ZC3H3: variants seen among roughly 807,000 people sequenced by gnomAD.
ZC3H3 encodes zinc finger CCCH domain-containing protein 3.
A neutral mutation model predicts 77.3 loss-of-function variants in ZC3H3; 36 were observed. That is an observed-to-expected ratio of 0.47 (90% CI 0.36 to 0.61). The LOEUF is 0.61. Ranked by LOEUF, ZC3H3 falls within the 20% of genes least tolerant of loss-of-function variation. The probability of loss-of-function intolerance (pLI) is 0.00; values close to 1 mark genes in which losing one functional copy is unlikely to be tolerated. For missense variants in ZC3H3, 1,331 were observed against 1,312.2 expected (o/e 1.01, Z -0.22); for synonymous variants, 626 against 555.2 (o/e 1.13, Z -1.79).
chr8:143,465,777 C>T lies in ZC3H3; in HGVS notation c.2247G>A (p.Val749=), dbSNP rs1820392487. The T allele has an allele frequency of 6.2e-7, 1 of 1,613,892 alleles. No individual in the cohort carries two copies. Among genetic ancestry groups the T allele is most frequent in the Non-Finnish European group, 8.5e-7 (1 of 1,180,012 alleles). The part of the protein sequence containing the change: ...NSNCPYSHVY[V]SRKAEVCSDF... ...CGCTGCAGACCTCGGCCTTGCGGGACACGTACACGTGGCTATAGGGACAGT... is the reference window on the plus strand; with the variant it reads ...CGCTGCAGACCTCGGCCTTGCGGGATACGTACACGTGGCTATAGGGACAGT... Residue 749 remains valine (V), a synonymous_variant, in exon 9 of 12, where the codon GTG becomes GTA. Coordinates refer to ENST00000262577, the MANE Select transcript of ZC3H3 (RefSeq NM_015117.3).
chr8:143,500,046 C>A (rs536480434), intron 4 of ZC3H3, among the ~76,000 whole-genome samples: 88 of 152,276 alleles, frequency 5.8e-4, no homozygotes, highest in Middle Eastern at 6.8e-3. Flanking sequence ...ATCCTCTCTG[C>A]AAACACTCCA....
chr8:143,531,825 G>A lies in ZC3H3; in HGVS notation c.1561+4432C>T, dbSNP rs372558434. ...CTTTTTATTAGCCCCCTTATCTGCTGAGCAATATAGTGGCAGGGCTGACCT... is the reference window on the plus strand; with the variant it reads ...CTTTTTATTAGCCCCCTTATCTGCTAAGCAATATAGTGGCAGGGCTGACCT... On this transcript the variant is annotated intron_variant, in intron 3 of 11. Coordinates refer to ENST00000262577, the MANE Select transcript of ZC3H3 (RefSeq NM_015117.3). Among the ~76,000 whole-genome samples, 9 of 152,328 alleles carry A rather than the reference G, an allele frequency of 5.9e-5. No individual in the cohort carries two copies. In the East Asian group the frequency reaches 1.3e-3, roughly 23 times the overall value.
In ZC3H3 at chr8:143,462,453, G is replaced by T. The variant is rs1214457284; in HGVS notation, c.2307+3264C>A. 6.6e-6 allele frequency among the ~76,000 whole-genome samples: 1 copy of T among 152,186 alleles called. No homozygotes were observed. Among genetic ancestry groups the T allele is most frequent in the African/African-American group, 2.4e-5 (1 of 41,450 alleles). On this transcript the variant is annotated intron_variant, in intron 9 of 11. Transcript: ENST00000262577. This position sits in a 1 kb window ranked among gnomAD's most constrained non-coding sequence, Gnocchi z 4.7. ...CGGCCTAACAAAGGGCAGCACTGGC[G>T]AAAGCAAGGCACCAACAGAGAAGCG...
At chr8:143,479,900 G>A (rs1820861443) in intron 4 of ZC3H3, among the ~76,000 whole-genome samples, 1 of 152,246 alleles carries the variant, frequency 6.6e-6, no homozygotes, top group African/African-American at 2.4e-5. Flanking sequence ...GTATGAAGAA[G>A]CTGTCTGTGC....
At chr8:143,461,858 C>A (rs1293082588) in intron 9 of ZC3H3, among the ~76,000 whole-genome samples, 1 of 151,914 alleles carries the variant, frequency 6.6e-6, no homozygotes. Context: ...GCGATGAAAA[C>A]AACTGAAAGC....
chr8:143,480,880 G>GT (rs1273275175), intron 4 of ZC3H3, among the ~76,000 whole-genome samples: 2 of 152,212 alleles, frequency 1.3e-5, no homozygotes, highest in African/African-American at 4.8e-5. Context: ...GGCAGAGGTG[G>GT]TAAGGGGACT....
At chr8:143,516,784 C>G (rs896939) in intron 3 of ZC3H3, among the ~76,000 whole-genome samples, 4,625 of 152,286 alleles carry the variant, frequency 0.03, 228 homozygotes, top group African/African-American at 0.1. Flanking sequence ...CCTGGCCTCG[C>G]GTCCCTGGGA....
At chr8:143,505,801 G>A (rs1821674401) in intron 4 of ZC3H3, among the ~76,000 whole-genome samples, 1 of 152,216 alleles carries the variant, frequency 6.6e-6, no homozygotes, top group Non-Finnish European at 1.5e-5. Context: ...TCCAGGGGTG[G>A]GCTGAATTCA....
intron 4 of ZC3H3, among the ~76,000 whole-genome samples, chr8:143,478,598 C>T (rs1288302144): frequency 6.6e-6 from 1 of 152,242 alleles, no homozygotes; most frequent in Non-Finnish European, 1.5e-5. Flanking sequence ...CAACCTCCGC[C>T]TCCCGGGTTC....
chr8:143,516,148 A>G (rs758816468), intron 3 of ZC3H3, among the ~76,000 whole-genome samples: 43 of 152,342 alleles, frequency 2.8e-4, no homozygotes, highest in Non-Finnish European at 3.5e-4. Context: ...CCCCGCCCCT[A>G]CGCTGGCGCG....
intron 4 of ZC3H3, chr8:143,484,619 G>A (rs112634923): frequency 9.6e-4 from 158 of 165,082 alleles, no homozygotes; most frequent in Middle Eastern, 5.9e-3. Flanking sequence ...AGTTCAGCTC[G>A]TCCGGCAGAG....
In ZC3H3 at chr8:143,527,391, G is replaced by T. The variant is rs553266735; in HGVS notation, c.1561+8866C>A. Among the ~76,000 whole-genome samples the T allele has an allele frequency of 1.4e-4, 22 of 152,266 alleles. No individual in the cohort carries two copies. In the East Asian group the frequency reaches 3.7e-3, roughly 25 times the overall value. On this transcript the variant is annotated intron_variant, in intron 3 of 11. Coordinates refer to ENST00000262577, the MANE Select transcript of ZC3H3 (RefSeq NM_015117.3). ...GACCCAGGGTCCTACGGTGGTATGA[G>T]TTCTGGCTCTCCTGAGAACGCCACC...
At chr8:143,469,569 C>G (rs990580874) in intron 5 of ZC3H3, among the ~76,000 whole-genome samples, 1 of 152,226 alleles carries the variant, frequency 6.6e-6, no homozygotes, top group Non-Finnish European at 1.5e-5. Context: ...TTTCTGAAAC[C>G]GCACACCACG....
Position 143,530,696 on chromosome 8 carries a change from C to T in ZC3H3, c.1561+5561G>A, listed in dbSNP as rs1360738029. 6.6e-6 allele frequency among the ~76,000 whole-genome samples: 1 copy of T among 152,200 alleles called. No homozygotes were observed. The highest frequency in any genetic ancestry group is 1.9e-4 in the East Asian group (1 of 5,190). On this transcript the variant is annotated intron_variant, in intron 3 of 11. Coordinates refer to ENST00000262577, the MANE Select transcript of ZC3H3 (RefSeq NM_015117.3). This position sits in a 1 kb window ranked among gnomAD's most constrained non-coding sequence, Gnocchi z 4.3. ...ACCACGAAGCTGGCCCCACTTCCCC[C>T]GCACCACAGTGAGAGCCTGGCCACA...
At chr8:143,459,596 A>G (rs1034015663) in intron 9 of ZC3H3, among the ~76,000 whole-genome samples, 3 of 152,164 alleles carry the variant, frequency 2.0e-5, no homozygotes, top group Non-Finnish European at 2.9e-5. Flanking sequence ...AATTACTCCC[A>G]GATGCAAGGA....
rs528738009 is a variant in ZC3H3, at chr8:143,463,721, G to C, written c.2307+1996C>G. 2.0e-5 allele frequency among the ~76,000 whole-genome samples: 3 copies of C among 152,314 alleles called. No individual in the cohort carries two copies. In the South Asian group the frequency reaches 6.2e-4, roughly 32 times the overall value. On this transcript the variant is annotated intron_variant, in intron 9 of 11. Coordinates refer to ENST00000262577, the MANE Select transcript of ZC3H3 (RefSeq NM_015117.3). ...AACAGCGCTGCACCAGGACAGGGACGCCTACTGGGGAGGACTCTGCGTCTC... is the reference window on the plus strand; with the variant it reads ...AACAGCGCTGCACCAGGACAGGGACCCCTACTGGGGAGGACTCTGCGTCTC...
chr8:143,478,310 C>T (rs1820800535), intron 4 of ZC3H3, among the ~76,000 whole-genome samples: 1 of 152,210 alleles, frequency 6.6e-6, no homozygotes, highest in Non-Finnish European at 1.5e-5. Flanking sequence ...CGGGCTGCAG[C>T]ACTTGCTCCC....
At chr8:143,455,299 G>C (rs967634546) in intron 9 of ZC3H3, among the ~76,000 whole-genome samples, 18 of 152,032 alleles carry the variant, frequency 1.2e-4, no homozygotes, top group Admixed American at 3.9e-4. Flanking sequence ...AGGTGACAGA[G>C]CTAGAGTCCA....
rs373322684 is a variant in ZC3H3, at chr8:143,438,615, G to A, written c.2816-528C>T. Among the ~76,000 whole-genome samples, 26 of 152,278 alleles carry A rather than the reference G, an allele frequency of 1.7e-4. No homozygotes were observed. In the East Asian group the frequency reaches 3.9e-3, roughly 23 times the overall value. Reference sequence around the variant, plus strand: ...GGCCTGGAGGCAGGCAGTGTGGAGGGAGCAGTTCCCCACAGCGGGGAAGCC... The same window carrying A: ...GGCCTGGAGGCAGGCAGTGTGGAGGAAGCAGTTCCCCACAGCGGGGAAGCC... On this transcript the variant is annotated intron_variant, in intron 11 of 11. Transcript: ENST00000262577.
Sources: allele counts gnomAD v4.1 joint callset (sites outside exome capture counted in the v4.1 genomes callset), GRCh38; gene constraint gnomAD v4.1.1; non-coding constraint Gnocchi (gnomAD v3.1); transcripts MANE v1.5; gene names NCBI Gene and HGNC (gene_info 2026-07-23, HGNC 2026-07-21).